LPP: variants seen among roughly 807,000 people sequenced by gnomAD.
The protein encoded by LPP is LIM domain containing preferred translocation partner in lipoma.
A neutral mutation model predicts 60.4 loss-of-function variants in LPP; 38 were observed. That is an observed-to-expected ratio of 0.63 (90% CI 0.49 to 0.83). The LOEUF (loss-of-function observed/expected upper bound fraction) is 0.83, where lower values mean the gene tolerates loss of function less well. Ranked by LOEUF, LPP falls within the 40% of genes least tolerant of loss-of-function variation. LPP has a pLI of 0.00. For synonymous variants in LPP, 328 were observed against 290.8 expected, an observed-to-expected ratio of 1.13 and a Z score of -1.30; for missense variants, 902 against 783.6, an observed-to-expected ratio of 1.15 and a Z score of -1.80.
At chr3:188,397,113 C>T (rs1001261485) in intron 3 of LPP, among the ~76,000 whole-genome samples, 1 of 152,166 alleles carries the variant, frequency 6.6e-6, no homozygotes. Flanking sequence ...TGCCCTATTC[C>T]ATTGCCTTTT....
chr3:188,516,633 A>C (rs1401187979), intron 5 of LPP, among the ~76,000 whole-genome samples: 1 of 151,460 alleles, frequency 6.6e-6, no homozygotes, highest in Non-Finnish European at 1.5e-5. Context: ...TTGTGTTAGA[A>C]ATCCACTTAG....
intron 2 of LPP, among the ~76,000 whole-genome samples, chr3:188,289,095 G>A (rs1023164931): frequency 6.6e-6 from 1 of 151,910 alleles, no homozygotes; most frequent in Non-Finnish European, 1.5e-5. Context: ...ATAAAGTTTT[G>A]AGTGAAAATG....
rs111916918 is a variant in LPP at position 188,684,161 on chromosome 3, G to A, written c.1114-24106G>A. Reference sequence around the variant, plus strand: ...TTCAGTCAATAAACAGTCTAATCTCGGTTAAATGTTTGCATATTTTTAGAC... The same window carrying A: ...TTCAGTCAATAAACAGTCTAATCTCAGTTAAATGTTTGCATATTTTTAGAC... On this transcript the variant is annotated intron_variant, in intron 7 of 11. Coordinates refer to ENST00000617246, the MANE Select transcript of LPP (RefSeq NM_001375462.1). Among the ~76,000 whole-genome samples, 338 of 152,232 alleles carry A rather than the reference G, an allele frequency of 2.2e-3. 2 individuals are homozygous for A. Among genetic ancestry groups the A allele is most frequent in the African/African-American group, 7.5e-3 (313 of 41,528 alleles).
chr3:188,772,168 C>T (rs1032617711), intron 9 of LPP, among the ~76,000 whole-genome samples: 1 of 152,176 alleles, frequency 6.6e-6, no homozygotes, highest in Non-Finnish European at 1.5e-5. Context: ...CATCAGCTCT[C>T]CTACACATTC....
chr3:188,337,113 G>A (rs1761873735), intron 2 of LPP, among the ~76,000 whole-genome samples: 1 of 152,162 alleles, frequency 6.6e-6, no homozygotes, highest in Non-Finnish European at 1.5e-5. Context: ...GGGCCCATGG[G>A]GAAGAGTGGA....
At chr3:188,206,231 C>T (rs1733172587) in intron 1 of LPP, among the ~76,000 whole-genome samples, 1 of 152,100 alleles carries the variant, frequency 6.6e-6, no homozygotes, top group African/African-American at 2.4e-5. Flanking sequence ...CTGTGAAGAT[C>T]TTGGCTCTTG....
At chr3:188,195,494 A>G (rs922863751) in intron 1 of LPP, among the ~76,000 whole-genome samples, 7 of 152,210 alleles carry the variant, frequency 4.6e-5, no homozygotes, top group Non-Finnish European at 1.0e-4. Context: ...CCATCCTTCC[A>G]TTCATTTTGT....
intron 9 of LPP, among the ~76,000 whole-genome samples, chr3:188,843,358 C>T (rs1760517474): frequency 6.6e-6 from 1 of 152,146 alleles, no homozygotes; most frequent in Admixed American, 6.5e-5. Flanking sequence ...GACTCGAGTT[C>T]AAGTGGCAGC....
intron 7 of LPP, among the ~76,000 whole-genome samples, chr3:188,702,410 G>A (rs942086054): frequency 3.5e-5 from 5 of 142,956 alleles, no homozygotes; most frequent in Admixed American, 1.4e-4. Context: ...ATCTTTTTTT[G>A]GCAGCCTTCT....
chr3:188,261,370 A>G (rs1560171355), intron 2 of LPP, among the ~76,000 whole-genome samples: 1 of 152,154 alleles, frequency 6.6e-6, no homozygotes, highest in Non-Finnish European at 1.5e-5. Flanking sequence ...ACACACACAC[A>G]CACATACACA....
intron 2 of LPP, among the ~76,000 whole-genome samples, chr3:188,272,303 G>C (rs910578844): frequency 6.6e-5 from 10 of 152,128 alleles, no homozygotes; most frequent in Non-Finnish European, 2.9e-5. Flanking sequence ...GCATGTACTT[G>C]GTATGCCCGG....
chr3:188,289,888 T>C (rs1164891148), intron 2 of LPP, among the ~76,000 whole-genome samples: 1 of 152,184 alleles, frequency 6.6e-6, no homozygotes, highest in African/African-American at 2.4e-5. Flanking sequence ...AATCTTTCTC[T>C]CAATATCATA....
At chr3:188,650,405 T>C (rs1851854876) in intron 7 of LPP, among the ~76,000 whole-genome samples, 1 of 152,230 alleles carries the variant, frequency 6.6e-6, no homozygotes, top group African/African-American at 2.4e-5. Context: ...GATGATGTGC[T>C]AGCATAAAGC....
intron 9 of LPP, among the ~76,000 whole-genome samples, chr3:188,804,283 A>ATATATATATG (rs1553853277): frequency 7.9e-6 from 1 of 126,720 alleles, no homozygotes; most frequent in Non-Finnish European, 1.6e-5. Flanking sequence ...ATATATATAT[A>ATATATATATG]AAATGGAATA....
intron 2 of LPP, among the ~76,000 whole-genome samples, chr3:188,277,457 G>A (rs1486303030): frequency 6.6e-6 from 1 of 152,120 alleles, no homozygotes; most frequent in African/African-American, 2.4e-5. Context: ...CAGAGGAGGT[G>A]CTCAGTAAAT....
At chr3:188,378,858 C>T (rs1776054750) in intron 3 of LPP, among the ~76,000 whole-genome samples, 1 of 152,214 alleles carries the variant, frequency 6.6e-6, no homozygotes, top group South Asian at 2.1e-4. Context: ...TTGGCTCCTC[C>T]TCCCTATGTT....
chr3:188,507,891 C>T (rs1814046688), intron 5 of LPP, among the ~76,000 whole-genome samples: 2 of 152,198 alleles, frequency 1.3e-5, no homozygotes, highest in African/African-American at 2.4e-5. Flanking sequence ...TAGCTACTCC[C>T]CCAATTCAAA....
At chr3:188,784,235 C>T (rs1424245348) in intron 9 of LPP, among the ~76,000 whole-genome samples, 1 of 150,796 alleles carries the variant, frequency 6.6e-6, no homozygotes, top group African/African-American at 2.4e-5. Context: ...TCATCCAGGT[C>T]ACTGTGAATG....
chr3:188,413,528 A>T (rs1198751815), intron 4 of LPP, among the ~76,000 whole-genome samples: 1 of 152,152 alleles, frequency 6.6e-6, no homozygotes, highest in Non-Finnish European at 1.5e-5. Context: ...CCTTTTCTGG[A>T]TGAGCGTAAG....
Sources: allele counts gnomAD v4.1 joint callset (sites outside exome capture counted in the v4.1 genomes callset), GRCh38; gene constraint gnomAD v4.1.1; transcripts MANE v1.5; gene names NCBI Gene and HGNC (gene_info 2026-07-23, HGNC 2026-07-21).